Variants in ZBTB41 observed in about 807,000 individuals in gnomAD.
ZBTB41 encodes the protein zinc finger and BTB domain containing 41.
ZBTB41 carries 42 observed loss-of-function variants against 87.6 expected under a neutral mutation model. The observed-to-expected ratio is 0.48, with a 90% confidence interval of 0.37 to 0.62. ZBTB41 has a LOEUF of 0.62. ZBTB41 is among the 20% of genes least tolerant of loss of function. ZBTB41 has a pLI of 0.00. For missense variants in ZBTB41, 799 were observed against 1,078.9 expected, an observed-to-expected ratio of 0.74 and a Z score of 3.63; for synonymous variants, 364 against 364.0, an observed-to-expected ratio of 1.00 and a Z score of 0.00.
intron 7 of ZBTB41, among the ~76,000 whole-genome samples, chr1:197,177,485 A>G (rs1659637763): frequency 1.3e-5 from 2 of 152,088 alleles, no homozygotes; most frequent in African/African-American, 4.8e-5. Flanking sequence ...TAATAGAGCA[A>G]ATAATGGAGA....
intron 9 of ZBTB41, among the ~76,000 whole-genome samples, chr1:197,173,604 G>A (rs1450241019): frequency 6.6e-6 from 1 of 152,042 alleles, no homozygotes; most frequent in African/African-American, 2.4e-5. Flanking sequence ...TAGAGACAGG[G>A]TCTCACTTTG....
chr1:197,177,700 C>T (rs1393797269), intron 7 of ZBTB41, among the ~76,000 whole-genome samples: 1 of 151,994 alleles, frequency 6.6e-6, no homozygotes, highest in Non-Finnish European at 1.5e-5. Context: ...ACTTTTATCT[C>T]CAGAGCCTCT....
intron 10 of ZBTB41, among the ~76,000 whole-genome samples, chr1:197,165,603 C>CT (rs1659322156): frequency 6.7e-6 from 1 of 148,958 alleles, no homozygotes; most frequent in East Asian, 2.0e-4. Context: ...GAGCGAGACT[C>CT]TATCTCAAAA....
chr1:197,167,218 C>T (rs1659367944), intron 10 of ZBTB41, among the ~76,000 whole-genome samples: 1 of 152,104 alleles, frequency 6.6e-6, no homozygotes, highest in Non-Finnish European at 1.5e-5. Flanking sequence ...ATTTTTGAGA[C>T]AAGTTCTCAC....
At chr1:197,175,431 A>AATATATATATATGTATATATAT (rs1659580189) in intron 8 of ZBTB41, among the ~76,000 whole-genome samples, 1 of 71,560 alleles carries the variant, frequency 1.4e-5, no homozygotes, top group African/African-American at 4.0e-5. Context: ...AGGAATTTTA[A>AATATATATATATGTATATATAT]ATATATATAT....
chr1:197,175,113 C>T lies in ZBTB41; in HGVS notation c.1882G>A (p.Glu628Lys). 1 of 1,609,280 alleles carries T rather than the reference C, an allele frequency of 6.2e-7. No individual in the cohort carries two copies. The highest frequency in any genetic ancestry group is 8.5e-7 in the Non-Finnish European group (1 of 1,177,532). ...CATTCTTCACACTGATGAGCTTTTT[C>T]ACCTTAAAATAAAGACCCAAATATT... ...LTKHKKIHSG[E>K]KAHQCEECGK... Residue 628 changes from glutamate to lysine, a missense_variant and splice_region_variant, in exon 9 of 11, where the codon GAA (glutamate) becomes AAA (lysine). This residue lies in a region of ZBTB41 where 198 missense variants were observed against 358.4 expected (regional missense o/e 0.55). Coordinates refer to ENST00000367405, the MANE Select transcript of ZBTB41 (RefSeq NM_194314.3).
chr1:197,163,217 T>G lies in ZBTB41; in HGVS notation c.2075-3203A>C, dbSNP rs547705526. Among the ~76,000 whole-genome samples the G allele has an allele frequency of 3.9e-5, 6 of 152,270 alleles. No homozygotes were observed. The South Asian group carries it at 1.2e-3, about 32-fold the overall frequency. On this transcript the variant is annotated intron_variant, in intron 10 of 10. Coordinates refer to ENST00000367405, the MANE Select transcript of ZBTB41 (RefSeq NM_194314.3). ...TTCTATTTGCTTGTGAGAAAAAATT[T>G]AAATCTAACTGGAAGAAACACATCT...
chr1:197,179,917 G>A (rs1323069703), intron 6 of ZBTB41, among the ~76,000 whole-genome samples: 1 of 151,954 alleles, frequency 6.6e-6, no homozygotes, highest in East Asian at 1.9e-4. Flanking sequence ...GTTACAGTAA[G>A]CTGCTGTTCA....
chr1:197,159,578 C>T lies in ZBTB41; in HGVS notation c.2511G>A (p.Glu837=). The change falls in exon 11 of 11, where the codon GAG becomes GAA. Residue 837 remains glutamate (E), a synonymous_variant. Transcript: ENST00000367405. ...HTTTLPPSSH[E]ILSPQPQSTD... ...TTGACTGTGGCTGTGGTGACAGAAT[C>T]TCATGAGAAGATGGTGGGAGTGTGG... 1 of 1,613,936 alleles carries T rather than the reference C, an allele frequency of 6.2e-7. No individual in the cohort carries two copies. Among genetic ancestry groups the T allele is most frequent in the Non-Finnish European group, 8.5e-7 (1 of 1,179,906 alleles).
chr1:197,198,228 ATAT>A (rs1660215997), intron 2 of ZBTB41, among the ~76,000 whole-genome samples: 1 of 152,168 alleles, frequency 6.6e-6, no homozygotes, highest in African/African-American at 2.4e-5. Context: ...CTCAGTTAAA[ATAT>A]TAATAATTAT....
At chr1:197,161,232 ACAG>A (rs1659192671) in intron 10 of ZBTB41, among the ~76,000 whole-genome samples, 1 of 152,156 alleles carries the variant, frequency 6.6e-6, no homozygotes, top group Non-Finnish European at 1.5e-5. Context: ...TGGTTTGTTA[ACAG>A]CAGCAATAGA....
At chr1:197,172,484 G>A (rs575712177) in intron 9 of ZBTB41, among the ~76,000 whole-genome samples, 6 of 151,860 alleles carry the variant, frequency 4.0e-5, no homozygotes, top group African/African-American at 9.7e-5. Flanking sequence ...TCCAACAAAC[G>A]AATCTATAAA....
rs1127661 is a variant in ZBTB41, at chr1:197,153,913, T to C, written c.*5446A>G. ...GATTTTTCTGTCATTGCTTTTAAAGTATCCTTAATTAAAAACAAAAATTAT... is the reference window on the plus strand; with the variant it reads ...GATTTTTCTGTCATTGCTTTTAAAGCATCCTTAATTAAAAACAAAAATTAT... On this transcript the variant is annotated 3_prime_UTR_variant, in exon 11 of 11. Coordinates refer to ENST00000367405, the MANE Select transcript of ZBTB41 (RefSeq NM_194314.3). The C allele has an allele frequency of 0.3, 46,106 of 152,138 alleles. 8,741 individuals carry two copies. Among genetic ancestry groups the C allele is most frequent in the Middle Eastern group, 0.45 (130 of 292 alleles). 9.4% of individuals were successfully genotyped at this position (152,138 alleles called of 1,614,324 possible).
At position 197,156,164 on chromosome 1, in the gene ZBTB41, A is replaced by C. The variant is rs1226418302; in HGVS notation, c.*3195T>G. The C allele has an allele frequency of 6.6e-6, 1 of 152,096 alleles. No individual in the cohort carries two copies. Among genetic ancestry groups the C allele is most frequent in the South Asian group, 2.1e-4 (1 of 4,824 alleles). The allele number at this position is 152,096 out of a possible 1,614,324, so 9.4% of individuals were successfully genotyped here. ...TTTTCTTTTGCTCCTATTTTTATAC[A>C]TATAAACACAATAATCAATCTCAGT... On this transcript the variant is annotated 3_prime_UTR_variant, in exon 11 of 11. Coordinates refer to ENST00000367405, the MANE Select transcript of ZBTB41 (RefSeq NM_194314.3).
Position 197,190,806 on chromosome 1 carries a change from A to C in ZBTB41, c.1354T>G (p.Phe452Val). The C allele has an allele frequency of 6.3e-7, 1 of 1,590,570 alleles. No individual in the cohort carries two copies. Residue 452 changes from phenylalanine to valine, a missense_variant, in exon 4 of 11, where the codon TTT becomes GTT. Phe to Val is a conservative substitution (Grantham distance 50). Around this residue, in one of 5 missense-constraint regions of ZBTB41, gnomAD observed 294 missense variants for 340.1 expected, o/e 0.86. Transcript: ENST00000367405. ...CTCTTAGTCTTCTTAATGGAAATAA[A>C]TTCTTGTGCATTTTCAGGATGAAAT... Reference protein sequence around the residue: ...KRFHPENAQEFISIKKTKSES... With the variant: ...KRFHPENAQEVISIKKTKSES...
chr1:197,168,555 T>C (rs1571649592), intron 10 of ZBTB41, among the ~76,000 whole-genome samples: 1 of 152,062 alleles, frequency 6.6e-6, no homozygotes, highest in East Asian at 1.9e-4. Flanking sequence ...CTAAAGCAAT[T>C]GGATAACCAT....
In ZBTB41 at chr1:197,199,726, C is replaced by G; in HGVS notation, c.748G>C (p.Ala250Pro). Residue 250 changes from alanine to proline, a missense_variant, in exon 2 of 11, where the codon GCA becomes CCA. Physicochemically the swap from Ala to Pro is conservative, Grantham distance 27. Transcript: ENST00000367405. ...GLKMLERSFS[A>P]RRSKRNRKCP... ...TTCCGATTCCTTTTTGATCTTCTTG[C>G]GGAGAAACTTCTCTCCAGCATTTTT... The G allele has an allele frequency of 3.1e-6, 5 of 1,613,390 alleles. No homozygotes were observed. In the South Asian group the frequency reaches 5.5e-5, roughly 18 times the overall value.
Position 197,159,861 on chromosome 1 carries a change from A to G in ZBTB41, c.2228T>C (p.Ile743Thr), listed in dbSNP as rs776822513. 3 of 1,614,010 alleles carry G rather than the reference A, an allele frequency of 1.9e-6. No individual in the cohort carries two copies. The highest frequency in any genetic ancestry group is 1.7e-6 in the Non-Finnish European group (2 of 1,179,896). ...FKRKDKLKYH[I>T]DHVHEIKSPD... ...AGATTTTATTTCATGAACATGGTCA[A>G]TGTGGTATTTCAGCTTGTCTTTCCG... Residue 743 changes from isoleucine to threonine, a missense_variant, in exon 11 of 11, where the codon ATT becomes ACT. Physicochemically the swap from Ile to Thr is moderately conservative, Grantham distance 89 (BLOSUM62 -1). This residue lies in a region of ZBTB41 where 198 missense variants were observed against 358.4 expected (regional missense o/e 0.55). Transcript: ENST00000367405.
At position 197,199,866 on chromosome 1, in the gene ZBTB41, A is replaced by G. The variant is rs1451044798; in HGVS notation, c.608T>C (p.Leu203Pro). 6.2e-7 allele frequency: 1 copy of G among 1,609,500 alleles called. No homozygotes were observed. Among genetic ancestry groups the G allele is most frequent in the South Asian group, 1.1e-5 (1 of 89,896 alleles). ...EETLNELTGR[L>P]SNNHQCKFCS... is the part of the protein sequence containing the mutation. ...GAATTTGCACTGATGATTATTTGAT[A>G]GTCTTCCAGTTAATTCATTTAGTGT... The change falls in exon 2 of 11, where the codon CTA becomes CCA. Residue 203 changes from leucine (L) to proline (P), a missense_variant. Around this residue, in one of 5 missense-constraint regions of ZBTB41, gnomAD observed 294 missense variants for 340.1 expected, o/e 0.86. Coordinates refer to ENST00000367405, the MANE Select transcript of ZBTB41 (RefSeq NM_194314.3).
Sources: gnomAD v4.1 joint callset for allele counts (sites outside exome capture counted in the v4.1 genomes callset) on GRCh38, gnomAD v4.1.1 for gene constraint, gnomAD v4.1.1 regional missense constraint, MANE v1.5 for transcripts, NCBI Gene and HGNC (gene_info 2026-07-23, HGNC 2026-07-21) for gene names.